ADGB: variants seen among roughly 807,000 people sequenced by gnomAD.
The protein encoded by ADGB is calpain-7-like protein.
ADGB carries 172 observed loss-of-function variants against 210.5 expected under a neutral mutation model. The ratio of observed to expected loss-of-function variants is 0.82; its 90% CI spans 0.72 to 0.93. The LOEUF (loss-of-function observed/expected upper bound fraction) is 0.93, where lower values mean the gene tolerates loss of function less well. Among genes scored for constraint, ADGB ranks in the 40% least tolerant of loss-of-function variants. The pLI is 0.00. For missense variants in ADGB, 2,025 were observed against 1,964.8 expected (o/e 1.03, Z -0.58); for synonymous variants, 658 against 662.7 (o/e 0.99, Z 0.11).
At chr6:146,670,990 G>A (rs1472569536) in intron 7 of ADGB, among the ~76,000 whole-genome samples, 5 of 152,076 alleles carry the variant, frequency 3.3e-5, no homozygotes, top group African/African-American at 1.2e-4. Context: ...CCAACTCACA[G>A]AAGAAAATAT....
intron 3 of ADGB, among the ~76,000 whole-genome samples, chr6:146,645,258 G>A (rs1331047431): frequency 6.6e-6 from 1 of 151,964 alleles, no homozygotes; most frequent in African/African-American, 2.4e-5. Context: ...CAGCCCAAGA[G>A]TTTTGCACAT....
chr6:146,808,434 G>A (rs963406467), intron 35 of ADGB, among the ~76,000 whole-genome samples: 23 of 152,160 alleles, frequency 1.5e-4, no homozygotes, highest in South Asian at 4.1e-4. Flanking sequence ...TGTAGAGAGC[G>A]TGTGATCTCA....
Position 146,784,606 on chromosome 6 carries a change from T to C in ADGB, c.4036-12T>C. The C allele has an allele frequency of 6.6e-7, 1 of 1,505,008 alleles. No individual in the cohort carries two copies. Among genetic ancestry groups the C allele is most frequent in the Non-Finnish European group, 8.9e-7 (1 of 1,126,746 alleles). 93.2% of individuals were successfully genotyped at this position (1,505,008 alleles called of 1,614,324 possible). A position where few individuals can be genotyped will look rare whatever the true frequency, so the allele number is the denominator to read the frequency against. ...GAAAGCATGCAAAACCCAAAGGTTT[T>C]TATTTTATCAGATATCCACTGTTCA... is the stretch of plus-strand genomic sequence containing the variant. On this transcript the variant is annotated splice_polypyrimidine_tract_variant and intron_variant, in intron 30 of 35. Transcript: ENST00000397944.
intron 22 of ADGB, among the ~76,000 whole-genome samples, chr6:146,735,979 A>G (rs1777073413): frequency 6.6e-6 from 1 of 152,210 alleles, no homozygotes; most frequent in South Asian, 2.1e-4. Flanking sequence ...ACTATGAAGA[A>G]ATTAAGATAG....
intron 3 of ADGB, among the ~76,000 whole-genome samples, chr6:146,651,812 G>C (rs542756861): frequency 1.3e-5 from 2 of 152,142 alleles, no homozygotes; most frequent in Non-Finnish European, 2.9e-5. Context: ...TGGGAAAGGA[G>C]GGAAACTAAG....
intron 8 of ADGB, among the ~76,000 whole-genome samples, chr6:146,675,646 A>C (rs561666656): frequency 6.6e-6 from 1 of 152,256 alleles, no homozygotes; most frequent in South Asian, 2.1e-4. Flanking sequence ...AGAAATCTAT[A>C]ATTTCTGTCT....
chr6:146,803,951 T>G (rs1778172676), intron 35 of ADGB: 1 of 233,830 alleles, frequency 4.3e-6, no homozygotes, highest in South Asian at 1.3e-4. Flanking sequence ...TGGCAGCAGA[T>G]ATGTTAGGAA....
chr6:146,771,320 G>GCC (rs1777649193), intron 29 of ADGB, among the ~76,000 whole-genome samples: 1 of 151,638 alleles, frequency 6.6e-6, no homozygotes. Context: ...GTGAATTTGA[G>GCC]CCCTTTGATT....
At chr6:146,644,682 C>A (rs901867702) in intron 2 of ADGB, 91 bp from the exon 3 acceptor site, 2 of 752,624 alleles carry the variant, frequency 2.7e-6, no homozygotes, top group African/African-American at 1.8e-5. Context: ...ATTGATTGAC[C>A]AAATCTATGC....
At chr6:146,810,562 G>T (rs1404066006) in intron 35 of ADGB, among the ~76,000 whole-genome samples, 16 of 145,530 alleles carry the variant, frequency 1.1e-4, no homozygotes, top group East Asian at 2.0e-4. Flanking sequence ...GTCCATCAAT[G>T]GATGAATGAA....
intron 2 of ADGB, among the ~76,000 whole-genome samples, chr6:146,643,181 G>A (rs990861051): frequency 2.6e-5 from 4 of 151,064 alleles, no homozygotes; most frequent in Non-Finnish European, 5.9e-5. Flanking sequence ...GGATATTGAC[G>A]TACATTTTGT....
intron 1 of ADGB, among the ~76,000 whole-genome samples, chr6:146,633,629 C>T (rs1284623159): frequency 1.3e-5 from 2 of 152,096 alleles, no homozygotes. Context: ...GATGGATAGT[C>T]ACATAGCTTG....
intron 1 of ADGB, among the ~76,000 whole-genome samples, chr6:146,633,845 A>G (rs572295476): frequency 2.9e-4 from 44 of 151,776 alleles, no homozygotes; most frequent in African/African-American, 1.0e-3. Flanking sequence ...GTGGTCATCT[A>G]GTAAACTAAG....
intron 13 of ADGB, among the ~76,000 whole-genome samples, chr6:146,707,551 C>A (rs1776590332): frequency 6.6e-6 from 1 of 151,960 alleles, no homozygotes; most frequent in South Asian, 2.1e-4. Flanking sequence ...TTATTGTATC[C>A]TGTTAAGAAA....
At chr6:146,685,280 T>C (rs1245075648) in intron 9 of ADGB, among the ~76,000 whole-genome samples, 1 of 151,498 alleles carries the variant, frequency 6.6e-6, no homozygotes, top group Non-Finnish European at 1.5e-5. Context: ...GAAAAATTCA[T>C]TTTACTTATG....
intron 4 of ADGB, among the ~76,000 whole-genome samples, chr6:146,655,934 G>A (rs994722010): frequency 2.6e-5 from 4 of 152,084 alleles, no homozygotes; most frequent in African/African-American, 9.7e-5. Flanking sequence ...TTAAACATGA[G>A]ATGAATAATT....
chr6:146,644,336 A>G (rs752643920), intron 2 of ADGB, among the ~76,000 whole-genome samples: 1 of 151,972 alleles, frequency 6.6e-6, no homozygotes. Flanking sequence ...TTTTATTTAT[A>G]TATAATCTTG....
chr6:146,754,559 C>G (rs1450833983), intron 27 of ADGB, among the ~76,000 whole-genome samples: 1 of 151,806 alleles, frequency 6.6e-6, no homozygotes, highest in Non-Finnish European at 1.5e-5. Flanking sequence ...TATTTTATAA[C>G]TTAGAATGCT....
chr6:146,755,380 G>A (rs1026418014), intron 27 of ADGB, among the ~76,000 whole-genome samples: 1 of 152,082 alleles, frequency 6.6e-6, no homozygotes, highest in African/African-American at 2.4e-5. Context: ...GGGACCTCGT[G>A]GGAGGTGATT....
Sources: gnomAD v4.1 joint callset for allele counts (sites outside exome capture counted in the v4.1 genomes callset) on GRCh38, gnomAD v4.1.1 for gene constraint, MANE v1.5 for transcripts, NCBI Gene and HGNC (gene_info 2026-07-23, HGNC 2026-07-21) for gene names.